CPQ: variants seen among roughly 807,000 people sequenced by gnomAD.
The protein encoded by CPQ is carboxypeptidase Q.
In CPQ, 37 loss-of-function variants were observed where a neutral mutation model predicts 45.7. The observed-to-expected ratio is 0.81, with a 90% CI of 0.62 to 1.07. The LOEUF is 1.07. CPQ is among the 50% of genes least tolerant of loss of function. The pLI is 0.00. For synonymous variants in CPQ, 186 were observed against 205.8 expected, an observed-to-expected ratio of 0.90 and a Z score of 0.82; for missense variants, 537 against 572.9, an observed-to-expected ratio of 0.94 and a Z score of 0.64.
At chr8:96,741,858 G>A (rs534653469) in intron 1 of CPQ, among the ~76,000 whole-genome samples, 1 of 146,840 alleles carries the variant, frequency 6.8e-6, no homozygotes, top group African/African-American at 2.5e-5. Flanking sequence ...TATAATTTCT[G>A]TTCTTTTACA....
At chr8:96,944,894 G>T (rs191808131) in intron 4 of CPQ, among the ~76,000 whole-genome samples, 261 of 151,874 alleles carry the variant, frequency 1.7e-3, no homozygotes, top group Non-Finnish European at 3.3e-3. Context: ...TTTTTTTATG[G>T]ATTGTACTTC....
At chr8:96,858,206 T>C (rs1811875247) in intron 3 of CPQ, among the ~76,000 whole-genome samples, 1 of 152,138 alleles carries the variant, frequency 6.6e-6, no homozygotes, top group Non-Finnish European at 1.5e-5. Flanking sequence ...GAGAAGGAGA[T>C]ATTAATACTT....
At chr8:96,902,657 T>C (rs578178218) in intron 4 of CPQ, among the ~76,000 whole-genome samples, 26 of 152,298 alleles carry the variant, frequency 1.7e-4, no homozygotes, top group Non-Finnish European at 2.5e-4. Context: ...TCTGCTACTA[T>C]GTATCTCGGT....
intron 7 of CPQ, among the ~76,000 whole-genome samples, chr8:97,130,025 G>C (rs1811919682): frequency 6.6e-6 from 1 of 152,226 alleles, no homozygotes; most frequent in African/African-American, 2.4e-5. Context: ...AAACGTAACT[G>C]TGATCATTCT....
At position 96,821,073 on chromosome 8, in the gene CPQ, G is replaced by A. The variant is rs140269172; in HGVS notation, c.434-13900G>A. Among the ~76,000 whole-genome samples the A allele has an allele frequency of 1.5e-3, 198 of 135,106 alleles. No homozygotes were observed. In the Middle Eastern group the frequency reaches 0.017, roughly 12 times the overall value. 88.6% of individuals were successfully genotyped at this position (135,106 alleles called of 152,430 possible). A position where few individuals can be genotyped will look rare whatever the true frequency, so the allele number is the denominator to read the frequency against. ...TTTTTCATGTACTTCTTGGCCATTT[G>A]TATGTCTTTTGAGAAATGTCTGTTC... On this transcript the variant is annotated intron_variant, in intron 2 of 7. Coordinates refer to ENST00000220763, the MANE Select transcript of CPQ (RefSeq NM_016134.4).
chr8:97,010,848 T>C (rs974424412), intron 5 of CPQ, among the ~76,000 whole-genome samples: 5 of 152,216 alleles, frequency 3.3e-5, no homozygotes, highest in Non-Finnish European at 5.9e-5. Flanking sequence ...CAGCAGGGTT[T>C]ATTTCTGACA....
intron 2 of CPQ, among the ~76,000 whole-genome samples, chr8:96,817,686 T>A (rs983990659): frequency 6.6e-6 from 1 of 151,952 alleles, no homozygotes; most frequent in Non-Finnish European, 1.5e-5. Context: ...CAATCCTGGC[T>A]CACTGCAGCC....
chr8:96,811,103 T>C (rs1429874229), intron 2 of CPQ, among the ~76,000 whole-genome samples: 5 of 152,202 alleles, frequency 3.3e-5, no homozygotes, highest in African/African-American at 1.2e-4. Flanking sequence ...ATGTCCTGGA[T>C]CTTTGGAAAT....
At chr8:96,826,507 C>G (rs1304943285) in intron 2 of CPQ, among the ~76,000 whole-genome samples, 1 of 151,840 alleles carries the variant, frequency 6.6e-6, no homozygotes, top group Admixed American at 6.6e-5. Flanking sequence ...ATTAGTAGTG[C>G]CTTTGCTCCT....
chr8:97,125,922 AATT>A (rs1156562480), intron 7 of CPQ, among the ~76,000 whole-genome samples: 1 of 152,208 alleles, frequency 6.6e-6, no homozygotes, highest in Non-Finnish European at 1.5e-5. Context: ...GAAGTAGTAA[AATT>A]ATTATTATGA....
chr8:96,673,914 A>G (rs562020836), intron 1 of CPQ, among the ~76,000 whole-genome samples: 1 of 151,548 alleles, frequency 6.6e-6, no homozygotes, highest in South Asian at 2.1e-4. Flanking sequence ...TGGTGGTTAG[A>G]AAAGAGAAAT....
At chr8:96,957,528 T>A (rs902427512) in intron 4 of CPQ, among the ~76,000 whole-genome samples, 1 of 152,102 alleles carries the variant, frequency 6.6e-6, no homozygotes, top group Admixed American at 6.6e-5. Flanking sequence ...GGAGGCCAGG[T>A]ACAGTGGCTC....
At chr8:96,834,768 A>T (rs1047380616) in intron 2 of CPQ, among the ~76,000 whole-genome samples, 1 of 152,090 alleles carries the variant, frequency 6.6e-6, no homozygotes, top group African/African-American at 2.4e-5. Context: ...TTTTTATGTT[A>T]TATTATTTTG....
At chr8:96,958,087 C>T (rs1442136088) in intron 4 of CPQ, among the ~76,000 whole-genome samples, 1 of 151,984 alleles carries the variant, frequency 6.6e-6, no homozygotes, top group East Asian at 1.9e-4. Context: ...TTGATCCTCC[C>T]TCCTTGACTT....
intron 6 of CPQ, among the ~76,000 whole-genome samples, chr8:97,031,501 C>T (rs967705775): frequency 1.3e-5 from 2 of 152,126 alleles, no homozygotes; most frequent in African/African-American, 4.8e-5. Context: ...CTCAGTAATA[C>T]ACTCTACTCC....
chr8:96,774,774 T>A (rs897045858), intron 1 of CPQ, among the ~76,000 whole-genome samples: 1 of 152,196 alleles, frequency 6.6e-6, no homozygotes, highest in African/African-American at 2.4e-5. Context: ...AGGTTAACCA[T>A]ACATGAGATC....
chr8:97,122,466 T>A lies in CPQ; in HGVS notation c.1256-20554T>A, dbSNP rs553541183. On this transcript the variant is annotated intron_variant, in intron 7 of 7. Coordinates refer to ENST00000220763, the MANE Select transcript of CPQ (RefSeq NM_016134.4). ...CAAAAATAAGAATGAAATTAAGAAT[T>A]TTTTAGACAAACAAAATTTGATGAG... is the stretch of plus-strand genomic sequence containing the variant. Among the ~76,000 whole-genome samples, 225 of 152,194 alleles carry A rather than the reference T, an allele frequency of 1.5e-3. 1 individual carries two copies. Among genetic ancestry groups the A allele is most frequent in the African/African-American group, 5.2e-3 (216 of 41,544 alleles).
chr8:97,049,821 G>A (rs1200686414), intron 6 of CPQ, among the ~76,000 whole-genome samples: 1 of 152,104 alleles, frequency 6.6e-6, no homozygotes, highest in Non-Finnish European at 1.5e-5. Flanking sequence ...GAACCCTTTG[G>A]TCATTAGCAG....
intron 4 of CPQ, among the ~76,000 whole-genome samples, chr8:96,889,190 C>T (rs886564270): frequency 3.9e-5 from 6 of 152,136 alleles, no homozygotes; most frequent in African/African-American, 7.2e-5. Flanking sequence ...AGTGGATTTG[C>T]GTTTTAGCAG....
Sources: allele counts gnomAD v4.1 joint callset (sites outside exome capture counted in the v4.1 genomes callset), GRCh38; gene constraint gnomAD v4.1.1; transcripts MANE v1.5; gene names NCBI Gene and HGNC (gene_info 2026-07-23, HGNC 2026-07-21).